The following KCNQ5 variants were observed in gnomAD, a reference collection of about 807,000 sequenced individuals.
KCNQ5 encodes the protein potassium voltage-gated channel subfamily Q member 5.
In KCNQ5, 30 loss-of-function variants were observed where a neutral mutation model predicts 98.2. The ratio of observed to expected loss-of-function variants is 0.31; its 90% CI spans 0.23 to 0.41. The LOEUF (loss-of-function observed/expected upper bound fraction) is 0.41. Among genes scored for constraint, KCNQ5 ranks in the 10% least tolerant of loss-of-function variants. KCNQ5 has a pLI of 1.00. For synonymous variants in KCNQ5, 458 were observed against 449.4 expected (o/e 1.02, Z -0.24); for missense variants, 835 against 1,182.5 (o/e 0.71, Z 4.31).
chr6:72,644,588 T>C (rs994847631), intron 1 of KCNQ5, among the ~76,000 whole-genome samples: 2 of 152,134 alleles, frequency 1.3e-5, no homozygotes, highest in Admixed American at 6.6e-5. Context: ...GGATCAGCAA[T>C]ACATAGACAG....
intron 1 of KCNQ5, among the ~76,000 whole-genome samples, chr6:72,680,642 TA>T (rs1767660145): frequency 6.6e-6 from 1 of 152,218 alleles, no homozygotes; most frequent in Admixed American, 6.5e-5. Flanking sequence ...TTTTACTCGT[TA>T]AAATGCTTCA....
intron 10 of KCNQ5, among the ~76,000 whole-genome samples, chr6:73,153,904 T>TA (rs3068405): frequency 4.0e-3 from 588 of 147,256 alleles, no homozygotes; most frequent in Admixed American, 5.7e-3. Context: ...TCAATTCCAC[T>TA]AAAAAAAAAA....
chr6:73,169,897 T>G lies in KCNQ5; in HGVS notation c.1577+43T>G, dbSNP rs745476948. Reference sequence around the variant, plus strand: ...ACAACGTGATTCAGAGACATACTTATGATTAATTGAATTACTATGTTGCTA... The same window carrying G: ...ACAACGTGATTCAGAGACATACTTAGGATTAATTGAATTACTATGTTGCTA... On this transcript the variant is annotated intron_variant, in intron 11 of 13. Transcript: ENST00000370398. The G allele has an allele frequency of 3.2e-6, 4 of 1,234,474 alleles. No individual in the cohort carries two copies. In the South Asian group the frequency reaches 3.6e-5, roughly 11 times the overall value. 76.5% of individuals were successfully genotyped at this position (1,234,474 alleles called of 1,614,324 possible).
At chr6:72,841,910 G>A (rs1033445240) in intron 1 of KCNQ5, among the ~76,000 whole-genome samples, 6 of 152,234 alleles carry the variant, frequency 3.9e-5, no homozygotes, top group South Asian at 2.1e-4. Flanking sequence ...AGATGATGAC[G>A]TTAAATAACT....
intron 1 of KCNQ5, among the ~76,000 whole-genome samples, chr6:72,974,527 C>A (rs1477847476): frequency 6.6e-6 from 1 of 152,140 alleles, no homozygotes; most frequent in Non-Finnish European, 1.5e-5. Context: ...CCATTTCTGA[C>A]TCTTTGACAG....
At chr6:73,141,481 C>T (rs888480448) in intron 10 of KCNQ5, among the ~76,000 whole-genome samples, 5 of 152,206 alleles carry the variant, frequency 3.3e-5, no homozygotes, top group Non-Finnish European at 7.3e-5. Context: ...CTACTCTAAT[C>T]CAAGTGCTCT....
In KCNQ5 at chr6:73,120,541, C is replaced by T; in HGVS notation, c.1184C>T (p.Pro395Leu). 2 of 1,611,782 alleles carry T rather than the reference C, an allele frequency of 1.2e-6. No homozygotes were observed. Among genetic ancestry groups the T allele is most frequent in the Non-Finnish European group, 1.7e-6 (2 of 1,178,524 alleles). Residue 395 changes from proline (P) to leucine (L), a missense_variant, in exon 8 of 14, where the codon CCA becomes CTA. By Grantham distance (98) the Pro-to-Leu change is moderately conservative (BLOSUM62 -3). This residue lies in a region of KCNQ5 where 146 missense variants were observed against 256.7 expected (regional missense o/e 0.57). Coordinates refer to ENST00000370398, the MANE Select transcript of KCNQ5 (RefSeq NM_019842.4). ...EKSVSIATWK[P>L]HLKALHTCSP... ...TCTGTTTCCATTGCAACCTGGAAGC[C>T]ACACTTGAAGGCCTTGCACACCTGC...
In KCNQ5 at chr6:73,197,583, ACACACACACAC is replaced by A. The variant is rs1765834170; in HGVS notation, c.*2170_*2180del. 2.4e-3 allele frequency: 57 copies of A among 23,542 alleles called. No homozygotes were observed. Among genetic ancestry groups the A allele is most frequent in the Admixed American group, 6.7e-3 (16 of 2,390 alleles). 1.5% of individuals were successfully genotyped at this position (23,542 alleles called of 1,614,324 possible). A position where few individuals can be genotyped will look rare whatever the true frequency, so the allele number is the denominator to read the frequency against. ...TCCCCCTTGCAAGAATGTTGCATAC[ACACACACACAC>A]ACACACACACACACACACACACACA... On this transcript the variant is annotated 3_prime_UTR_variant, in exon 14 of 14. Transcript: ENST00000370398.
chr6:72,692,237 AG>A (rs1768246844), intron 1 of KCNQ5, among the ~76,000 whole-genome samples: 1 of 152,230 alleles, frequency 6.6e-6, no homozygotes. Context: ...CATAAAATCA[AG>A]TAATTACAGA....
intron 1 of KCNQ5, among the ~76,000 whole-genome samples, chr6:72,836,179 G>A (rs1278815790): frequency 6.6e-6 from 1 of 152,080 alleles, no homozygotes; most frequent in Admixed American, 6.5e-5. Context: ...TAAGATTTTG[G>A]TGGATGAATC....
intron 1 of KCNQ5, among the ~76,000 whole-genome samples, chr6:72,918,231 A>G (rs1003634216): frequency 2.7e-4 from 41 of 152,104 alleles, no homozygotes; most frequent in Non-Finnish European, 1.3e-4. Context: ...GCACAGTAGC[A>G]TATTAGGATC....
intron 10 of KCNQ5, among the ~76,000 whole-genome samples, chr6:73,148,367 T>C (rs958460562): frequency 6.6e-6 from 1 of 152,216 alleles, no homozygotes; most frequent in African/African-American, 2.4e-5. Context: ...GGGTCTTTGA[T>C]TGTGAAGAGA....
chr6:72,901,161 G>A (rs1007204928), intron 1 of KCNQ5, among the ~76,000 whole-genome samples: 10 of 133,354 alleles, frequency 7.5e-5, no homozygotes, highest in African/African-American at 2.9e-4. Context: ...AGGGCCTGGT[G>A]TGTGATGTTC....
chr6:72,675,203 C>T (rs768230494), intron 1 of KCNQ5, among the ~76,000 whole-genome samples: 4 of 152,158 alleles, frequency 2.6e-5, no homozygotes, highest in Non-Finnish European at 4.4e-5. Context: ...CTGGGGACCA[C>T]TCAGTTTTCA....
At chr6:73,125,828 G>A (rs1775960778) in intron 9 of KCNQ5, among the ~76,000 whole-genome samples, 1 of 9,464 alleles carries the variant, frequency 1.1e-4, no homozygotes, top group Non-Finnish European at 2.2e-4. Flanking sequence ...CTCTTATTTG[G>A]TAGCTCTAAC....
chr6:72,646,301 T>TA (rs202102812), intron 1 of KCNQ5, among the ~76,000 whole-genome samples: 51 of 151,538 alleles, frequency 3.4e-4, no homozygotes, highest in Admixed American at 2.3e-3. Flanking sequence ...CTTCATTTGA[T>TA]AAAAAAAAGT....
intron 1 of KCNQ5, among the ~76,000 whole-genome samples, chr6:72,867,806 A>G (rs1374967889): frequency 2.0e-5 from 3 of 151,932 alleles, no homozygotes; most frequent in Non-Finnish European, 4.4e-5. Context: ...ACAGTGGGAC[A>G]TGCCTGTGGT....
intron 10 of KCNQ5, chr6:73,134,215 T>A (rs931694488): frequency 1.3e-4 from 30 of 230,176 alleles, no homozygotes; most frequent in African/African-American, 6.7e-4. Flanking sequence ...CCAAGAGGAA[T>A]TAACCTATTT....
intron 10 of KCNQ5, chr6:73,135,193 A>G (rs556778244): frequency 6.7e-6 from 1 of 149,234 alleles, no homozygotes; most frequent in South Asian, 2.1e-4. Context: ...GAAAGATGAT[A>G]ACAAAAAAAT....
Sources: gnomAD v4.1 joint callset for allele counts (sites outside exome capture counted in the v4.1 genomes callset) on GRCh38, gnomAD v4.1.1 for gene constraint, gnomAD v4.1.1 regional missense constraint, MANE v1.5 for transcripts, NCBI Gene and HGNC (gene_info 2026-07-23, HGNC 2026-07-21) for gene names.